JARID2: variants seen among roughly 807,000 people sequenced by gnomAD.
The protein encoded by JARID2 is protein Jumonji.
Under a neutral mutation model 125.6 loss-of-function variants are expected in JARID2, and 21 were observed. The ratio of observed to expected loss-of-function variants is 0.17; its 90% CI spans 0.12 to 0.24. JARID2 has a LOEUF of 0.24. Ranked by LOEUF, JARID2 falls within the 10% of genes least tolerant of loss-of-function variation. JARID2 has a pLI of 1.00. For missense variants in JARID2, 1,303 were observed against 1,639.6 expected (o/e 0.79, Z 3.55); for synonymous variants, 736 against 661.6 (o/e 1.11, Z -1.73).
chr6:15,356,218 G>C (rs1310531376), intron 1 of JARID2, among the ~76,000 whole-genome samples: 1 of 152,168 alleles, frequency 6.6e-6, no homozygotes. Flanking sequence ...TTGATGGACA[G>C]TTGGGTTGTT....
chr6:15,333,294 CAT>C (rs756038664), intron 1 of JARID2, among the ~76,000 whole-genome samples: 4 of 152,124 alleles, frequency 2.6e-5, no homozygotes, highest in Non-Finnish European at 5.9e-5. Flanking sequence ...TTAGGCAAGC[CAT>C]TACTACTATG....
chr6:15,448,729 A>C (rs533498236), intron 3 of JARID2, among the ~76,000 whole-genome samples: 1 of 152,072 alleles, frequency 6.6e-6, no homozygotes. Flanking sequence ...GGGTCAGTCT[A>C]CCTGGCAGCT....
chr6:15,379,033 G>C (rs753954934), intron 2 of JARID2, among the ~76,000 whole-genome samples: 1 of 152,184 alleles, frequency 6.6e-6, no homozygotes, highest in Non-Finnish European at 1.5e-5. Flanking sequence ...GAGCTCAGCT[G>C]CCCTGGTTCT....
intron 1 of JARID2, among the ~76,000 whole-genome samples, chr6:15,360,236 G>A (rs1225661187): frequency 6.6e-6 from 1 of 151,990 alleles, no homozygotes; most frequent in Non-Finnish European, 1.5e-5. Flanking sequence ...AGGCTGAAGT[G>A]CAGTGGCATG....
chr6:15,468,834 C>G, intron 5 of JARID2, 116 bp downstream of exon 5: 1 of 975,984 alleles, frequency 1.0e-6, no homozygotes, highest in Non-Finnish European at 1.5e-6. Context: ...GGGTACTTCT[C>G]CAGGGCCAGA....
chr6:15,371,892 A>G (rs1581468961), intron 1 of JARID2, among the ~76,000 whole-genome samples: 2 of 152,170 alleles, frequency 1.3e-5, no homozygotes, highest in Non-Finnish European at 2.9e-5. Context: ...TCCTTCTTCT[A>G]GAGGCACTGC....
intron 2 of JARID2, chr6:15,401,143 A>G: frequency 1.7e-6 from 2 of 1,167,744 alleles, no homozygotes; most frequent in Non-Finnish European, 2.2e-6. Flanking sequence ...TCCATTGTGG[A>G]TGGCAAGGTG....
chr6:15,489,708 G>A lies in JARID2; in HGVS notation c.906+2166G>A, dbSNP rs1420508595. Among the ~76,000 whole-genome samples, 3 of 152,216 alleles carry A rather than the reference G, an allele frequency of 2.0e-5. No individual in the cohort carries two copies. The East Asian group carries it at 5.8e-4, about 29-fold the overall frequency. On this transcript the variant is annotated intron_variant, in intron 6 of 17. Coordinates refer to ENST00000341776, the MANE Select transcript of JARID2 (RefSeq NM_004973.4). ...CTTAGGTGCAGGAAAGAGGTCCTGG[G>A]GTGCCCCTCACACAGCCGGCCTCTG... is the stretch of plus-strand genomic sequence containing the variant.
Position 15,501,116 on chromosome 6 carries a change from C to T in JARID2, c.2155C>T (p.Leu719=), listed in dbSNP as rs1286273566. 1 of 1,614,144 alleles carries T rather than the reference C, an allele frequency of 6.2e-7. No homozygotes were observed. The highest frequency in any genetic ancestry group is 1.7e-5 in the Admixed American group (1 of 60,032). The change falls in exon 8 of 18, where the codon CTG becomes TTG. Residue 719 remains leucine (L), a synonymous_variant. Transcript: ENST00000341776. ...DSLSPEEHRR[L]EKEVLMEKEI... Reference sequence around the variant, plus strand: ...CCTGTCCCCAGAGGAGCACCGGCGGCTGGAGAAGGAGGTGCTGATGGAGAA... The same window carrying T: ...CCTGTCCCCAGAGGAGCACCGGCGGTTGGAGAAGGAGGTGCTGATGGAGAA...
intron 2 of JARID2, among the ~76,000 whole-genome samples, chr6:15,380,961 GT>G (rs1764559058): frequency 6.6e-6 from 1 of 152,048 alleles, no homozygotes; most frequent in South Asian, 2.1e-4. Context: ...TGTCCCTTCT[GT>G]TTTTGCTGGA....
At chr6:15,272,657 C>T (rs1760343169) in intron 1 of JARID2, among the ~76,000 whole-genome samples, 1 of 152,184 alleles carries the variant, frequency 6.6e-6, no homozygotes, top group Non-Finnish European at 1.5e-5. Context: ...GGATGTTTCA[C>T]TTTGGAGCCT....
intron 3 of JARID2, among the ~76,000 whole-genome samples, chr6:15,429,723 G>C (rs1766889889): frequency 6.6e-6 from 1 of 152,128 alleles, no homozygotes; most frequent in Non-Finnish European, 1.5e-5. Context: ...TTTTTTTGAA[G>C]TGTTAGGAAA....
intron 2 of JARID2, among the ~76,000 whole-genome samples, chr6:15,391,266 C>T (rs1421669493): frequency 6.6e-6 from 1 of 152,168 alleles, no homozygotes; most frequent in Non-Finnish European, 1.5e-5. Context: ...TAGTTTTCCC[C>T]AGCAAGGCAT....
chr6:15,504,219 T>C (rs1293099487), intron 8 of JARID2, among the ~76,000 whole-genome samples: 2 of 150,360 alleles, frequency 1.3e-5, no homozygotes, highest in Non-Finnish European at 3.0e-5. Flanking sequence ...GCGCTTCTGC[T>C]GTGCGTCCGC....
intron 4 of JARID2, among the ~76,000 whole-genome samples, chr6:15,461,676 C>T (rs972791446): frequency 6.6e-6 from 1 of 152,142 alleles, no homozygotes; most frequent in Non-Finnish European, 1.5e-5. Context: ...TGATTTTATA[C>T]CTATGAGCAT....
intron 16 of JARID2, 93 bp downstream of exon 16, chr6:15,513,515 C>A: frequency 8.4e-7 from 1 of 1,194,378 alleles, no homozygotes; most frequent in Non-Finnish European, 1.2e-6. Context: ...CGCTCTCTGC[C>A]CAGGAGACCT....
At chr6:15,357,575 C>A (rs1487385278) in intron 1 of JARID2, among the ~76,000 whole-genome samples, 2 of 151,984 alleles carry the variant, frequency 1.3e-5, no homozygotes, top group East Asian at 3.9e-4. Context: ...AAAAGTCTCT[C>A]TAAGCAAATG....
At chr6:15,319,264 TGA>T (rs1762274828) in intron 1 of JARID2, among the ~76,000 whole-genome samples, 1 of 152,166 alleles carries the variant, frequency 6.6e-6, no homozygotes, top group South Asian at 2.1e-4. Flanking sequence ...GGTGGACCAA[TGA>T]GAAGCTGTGC....
At chr6:15,319,797 T>A (rs1272943377) in intron 1 of JARID2, among the ~76,000 whole-genome samples, 1 of 152,196 alleles carries the variant, frequency 6.6e-6, no homozygotes, top group Non-Finnish European at 1.5e-5. Context: ...AACTACCTAA[T>A]CAATGGTTGC....
Sources: allele counts gnomAD v4.1 joint callset (sites outside exome capture counted in the v4.1 genomes callset), GRCh38; gene constraint gnomAD v4.1.1; transcripts MANE v1.5; gene names NCBI Gene and HGNC (gene_info 2026-07-23, HGNC 2026-07-21).